The following LDB2 variants were observed in gnomAD, a reference collection of about 807,000 sequenced individuals.
LDB2 encodes the protein LIM domain binding 2, also known as LIM domain-binding protein 2.
Under a neutral mutation model 44.3 loss-of-function variants are expected in LDB2, and 12 were observed. The observed-to-expected ratio is 0.27, with a 90% CI of 0.17 to 0.44. The LOEUF (loss-of-function observed/expected upper bound fraction) is 0.44, where lower values mean the gene tolerates loss of function less well. LDB2 is among the 20% of genes least tolerant of loss of function. LDB2 has a pLI of 1.00. For synonymous variants in LDB2, 164 were observed against 174.8 expected (o/e 0.94, Z 0.49); for missense variants, 344 against 473.5 (o/e 0.73, Z 2.54).
intron 6 of LDB2, among the ~76,000 whole-genome samples, chr4:16,508,960 T>G (rs1477950606): frequency 6.6e-6 from 1 of 152,184 alleles, no homozygotes; most frequent in Non-Finnish European, 1.5e-5. Flanking sequence ...GTAAAAATAT[T>G]TTTTAGGTAT....
intron 2 of LDB2, among the ~76,000 whole-genome samples, chr4:16,748,815 G>A (rs749657647): frequency 1.3e-5 from 2 of 152,194 alleles, no homozygotes; most frequent in Non-Finnish European, 2.9e-5. Flanking sequence ...GAAATAATGT[G>A]TAAAAATAGA....
chr4:16,620,484 A>C (rs1475457872), intron 2 of LDB2, among the ~76,000 whole-genome samples: 1 of 152,138 alleles, frequency 6.6e-6, no homozygotes, highest in Non-Finnish European at 1.5e-5. Flanking sequence ...ATCAATAGAG[A>C]AATGAGTGTT....
chr4:16,819,092 TTGTGTGTGTGTGTGTGTG>T (rs34553159), intron 1 of LDB2, among the ~76,000 whole-genome samples: 4 of 148,962 alleles, frequency 2.7e-5, no homozygotes, highest in Non-Finnish European at 5.9e-5. Context: ...TTGTGGTTGC[TTGTGTGTGTGTGTGTGTG>T]TGTGTGTGTG....
intron 2 of LDB2, among the ~76,000 whole-genome samples, chr4:16,652,109 C>T (rs1048921733): frequency 1.5e-4 from 23 of 152,052 alleles, no homozygotes; most frequent in African/African-American, 5.3e-4. Flanking sequence ...CGCCACCACA[C>T]CCAGATAATT....
chr4:16,787,082 A>G (rs1774597555), intron 1 of LDB2, among the ~76,000 whole-genome samples: 3 of 152,296 alleles, frequency 2.0e-5, no homozygotes, highest in Admixed American at 2.0e-4. Flanking sequence ...ATAGTTTGAG[A>G]GGTTTTTTTG....
At chr4:16,897,364 A>G (rs772818425) in intron 1 of LDB2, among the ~76,000 whole-genome samples, 1 of 152,178 alleles carries the variant, frequency 6.6e-6, no homozygotes. Flanking sequence ...TGGTGCACCT[A>G]TAACAAACTC....
At chr4:16,593,851 A>G (rs1274578392) in intron 3 of LDB2, among the ~76,000 whole-genome samples, 3 of 152,230 alleles carry the variant, frequency 2.0e-5, no homozygotes, top group Non-Finnish European at 4.4e-5. Context: ...TTGAATGAAA[A>G]TAACACTTTA....
At chr4:16,560,640 A>G (rs1026460060) in intron 5 of LDB2, among the ~76,000 whole-genome samples, 1 of 152,224 alleles carries the variant, frequency 6.6e-6, no homozygotes, top group African/African-American at 2.4e-5. Context: ...CCAGAGGTAC[A>G]AGGAGGAACT....
At chr4:16,773,831 C>T (rs1004579808) in intron 1 of LDB2, among the ~76,000 whole-genome samples, 6 of 151,762 alleles carry the variant, frequency 4.0e-5, no homozygotes, top group Middle Eastern at 3.4e-3. Flanking sequence ...AACTCCTGGA[C>T]GCGAGGGATT....
At chr4:16,515,848 ATTTT>A (rs1243323855) in intron 5 of LDB2, among the ~76,000 whole-genome samples, 2 of 125,318 alleles carry the variant, frequency 1.6e-5, no homozygotes, top group Admixed American at 8.0e-5. Flanking sequence ...TTATTTATTT[ATTTT>A]ATTATTTATT....
chr4:16,587,418 A>G (rs1460248584), intron 4 of LDB2, among the ~76,000 whole-genome samples: 1 of 152,220 alleles, frequency 6.6e-6, no homozygotes, highest in Non-Finnish European at 1.5e-5. Context: ...GTCCAACCCT[A>G]TGTGGTCTCA....
intron 1 of LDB2, among the ~76,000 whole-genome samples, chr4:16,783,670 A>T (rs1349488542): frequency 7.9e-5 from 12 of 152,166 alleles, no homozygotes; most frequent in Admixed American, 7.9e-4. Context: ...CTCTTGTTAC[A>T]TGGTTGTTTT....
Position 16,898,424 on chromosome 4 carries a change from T to C in LDB2, c.62A>G (p.His21Arg). Residue 21 changes from histidine to arginine, a missense_variant, in exon 1 of 8, where the codon CAT becomes CGT. By Grantham distance (29) the His-to-Arg change is conservative. This residue lies in a region of LDB2 where 226 missense variants were observed against 270.1 expected (regional missense o/e 0.84). Coordinates refer to ENST00000304523, the MANE Select transcript of LDB2 (RefSeq NM_001290.5). ...SSPFGPFYRR[H>R]TPYMVQPEYR... ...CTCTGGCTGTACCATGTATGGTGTA[T>C]GCCTCCTATAAAATGGGCCGAAAGG... 6.2e-7 allele frequency: 1 copy of C among 1,613,812 alleles called. No homozygotes were observed. The highest frequency in any genetic ancestry group is 1.1e-5 in the South Asian group (1 of 91,064).
Position 16,827,956 on chromosome 4 carries a change from T to C in LDB2, c.133-68696A>G, listed in dbSNP as rs1034843660. Among the ~76,000 whole-genome samples, 10 of 152,284 alleles carry C rather than the reference T, an allele frequency of 6.6e-5. No homozygotes were observed. The South Asian group carries it at 1.0e-3, about 16-fold the overall frequency. ...AGCTGGTTTTCTCCTCTTTGACTCT[T>C]GGTTGTTGCCACTTTTGTACTTCCT... On this transcript the variant is annotated intron_variant, in intron 1 of 7. Coordinates refer to ENST00000304523, the MANE Select transcript of LDB2 (RefSeq NM_001290.5).
At chr4:16,880,959 C>A (rs1719920078) in intron 1 of LDB2, among the ~76,000 whole-genome samples, 1 of 150,854 alleles carries the variant, frequency 6.6e-6, no homozygotes, top group Non-Finnish European at 1.5e-5. Context: ...AGGTTCCCAA[C>A]CTCAAGAAAT....
intron 5 of LDB2, among the ~76,000 whole-genome samples, chr4:16,523,764 T>G (rs945902280): frequency 7.9e-5 from 12 of 152,000 alleles, no homozygotes; most frequent in African/African-American, 1.2e-4. Flanking sequence ...CAGTGTGGGG[T>G]TTCATCACGC....
chr4:16,739,608 A>G lies in LDB2; in HGVS notation c.235+19550T>C, dbSNP rs1211321980. On this transcript the variant is annotated intron_variant, in intron 2 of 7. Transcript: ENST00000304523. ...AAAAAAAATATATATATATATATAT[A>G]TGTATATATACATGTGTGTGTATAT... Among the ~76,000 whole-genome samples, 44 of 86,102 alleles carry G rather than the reference A, an allele frequency of 5.1e-4. 1 individual carries two copies. The highest frequency in any genetic ancestry group is 1.9e-3 in the African/African-American group (40 of 20,932). The allele number at this position is 86,102 out of a possible 152,430, so 56.5% of individuals were successfully genotyped here. A position where few individuals can be genotyped will look rare whatever the true frequency, so the allele number is the denominator to read the frequency against.
At chr4:16,843,051 CT>C (rs1199375850) in intron 1 of LDB2, among the ~76,000 whole-genome samples, 1 of 152,016 alleles carries the variant, frequency 6.6e-6, no homozygotes, top group Non-Finnish European at 1.5e-5. Context: ...TTTTTTTGTA[CT>C]TTTTCCTTTC....
intron 1 of LDB2, among the ~76,000 whole-genome samples, chr4:16,862,227 TA>T (rs1245012442): frequency 6.6e-6 from 1 of 151,998 alleles, no homozygotes; most frequent in African/African-American, 2.4e-5. Flanking sequence ...GAATCCTGAG[TA>T]ATACATCATT....
Sources: allele counts gnomAD v4.1 joint callset (sites outside exome capture counted in the v4.1 genomes callset), GRCh38; gene constraint gnomAD v4.1.1; regional missense constraint gnomAD v4.1.1; transcripts MANE v1.5; gene names NCBI Gene and HGNC (gene_info 2026-07-23, HGNC 2026-07-21).